The following CPNE5 variants were observed in gnomAD, a reference collection of about 807,000 sequenced individuals.
The protein encoded by CPNE5 is copine-5.
CPNE5 carries 42 observed loss-of-function variants against 81.1 expected under a neutral mutation model. That is an observed-to-expected ratio of 0.52 (90% CI 0.40 to 0.67). The LOEUF is 0.67. Among genes scored for constraint, CPNE5 ranks in the 30% least tolerant of loss-of-function variants. The pLI is 0.00. For missense variants in CPNE5, 612 were observed against 815.5 expected, an observed-to-expected ratio of 0.75 and a Z score of 3.04; for synonymous variants, 313 against 321.5, an observed-to-expected ratio of 0.97 and a Z score of 0.28.
At chr6:36,768,869 C>T (rs1351850738) in intron 10 of CPNE5, among the ~76,000 whole-genome samples, 1 of 152,226 alleles carries the variant, frequency 6.6e-6, no homozygotes, top group Non-Finnish European at 1.5e-5. Context: ...CTTCCAAGTA[C>T]TAGGTCTGTT....
intron 16 of CPNE5, among the ~76,000 whole-genome samples, chr6:36,745,895 C>T (rs1481825745): frequency 6.6e-6 from 1 of 152,196 alleles, no homozygotes; most frequent in East Asian, 1.9e-4. Context: ...GCACCTTGCA[C>T]CCTCAGGCAT....
intron 8 of CPNE5, among the ~76,000 whole-genome samples, chr6:36,784,304 C>T (rs1031048044): frequency 6.6e-6 from 1 of 152,242 alleles, no homozygotes; most frequent in Admixed American, 6.5e-5. Flanking sequence ...GGGGATAAAA[C>T]AGGCCTTCAG....
At chr6:36,792,328 C>T (rs532302779) in intron 7 of CPNE5, 7 of 1,523,966 alleles carry the variant, frequency 4.6e-6, no homozygotes, top group African/African-American at 4.1e-5. Flanking sequence ...CCCTGCTCCC[C>T]GAGAGCCCAC....
rs367579150 is a variant in CPNE5 at position 36,826,668 on chromosome 6, A to G, written c.96-3570T>C. On this transcript the variant is annotated intron_variant, in intron 1 of 20. Transcript: ENST00000244751. ...CAGGCCAGCCTAGCACCTGAGTCAG[A>G]GTAGTGGCCTGGCAAGCTGGATGGA... Among the ~76,000 whole-genome samples the G allele has an allele frequency of 2.6e-5, 4 of 152,320 alleles. No individual in the cohort carries two copies. The East Asian group carries it at 7.7e-4, about 29-fold the overall frequency.
At chr6:36,829,151 A>T (rs929515442) in intron 1 of CPNE5, among the ~76,000 whole-genome samples, 2 of 152,100 alleles carry the variant, frequency 1.3e-5, no homozygotes, top group African/African-American at 4.8e-5. Context: ...GACTGGTTGC[A>T]TAGCCTTCCT....
At chr6:36,786,575 T>G (rs1489745305) in intron 8 of CPNE5, among the ~76,000 whole-genome samples, 1 of 152,158 alleles carries the variant, frequency 6.6e-6, no homozygotes, top group Non-Finnish European at 1.5e-5. Context: ...TCAACTGATG[T>G]TCAAAAGAAA....
rs767879428 is a variant in CPNE5, at chr6:36,800,011, A to G, written c.243T>C (p.Ile81=). ...GCTTCTCCTCGAAAAAGTAATCCAC[A>G]ATGAACTTGCGCACGAAGTCAGGAT... is the stretch of plus-strand genomic sequence containing the variant. ...TLNPDFVRKF[I]VDYFFEEKQN... The change falls in exon 4 of 21, where the codon ATT becomes ATC. Residue 81 remains isoleucine, a synonymous_variant. Coordinates refer to ENST00000244751, the MANE Select transcript of CPNE5 (RefSeq NM_020939.2). The G allele has an allele frequency of 1.9e-6, 3 of 1,614,102 alleles. No homozygotes were observed. The highest frequency in any genetic ancestry group is 3.3e-5 in the Admixed American group (2 of 60,016).
rs573517251 is a variant in CPNE5 at position 36,784,457 on chromosome 6, T to C, written c.529-5500A>G. 2.2e-4 allele frequency among the ~76,000 whole-genome samples: 33 copies of C among 152,272 alleles called. No homozygotes were observed. In the South Asian group the frequency reaches 6.6e-3, roughly 31 times the overall value. ...TCACTCTGCCTTTCGTCAACAGTCA[T>C]AGGAACAAGTGGGAGCTTGTGAATG... On this transcript the variant is annotated intron_variant, in intron 8 of 20. Transcript: ENST00000244751.
At chr6:36,773,205 T>C (rs1316486842) in intron 10 of CPNE5, among the ~76,000 whole-genome samples, 1 of 152,108 alleles carries the variant, frequency 6.6e-6, no homozygotes. Context: ...ACCCCAGTGC[T>C]CCTGTCGGAG....
intron 10 of CPNE5, among the ~76,000 whole-genome samples, chr6:36,772,450 C>T (rs573894534): frequency 4.7e-4 from 71 of 152,318 alleles, no homozygotes; most frequent in African/African-American, 1.6e-3. Context: ...TTGACTGCAG[C>T]GCTAAGACCG....
At chr6:36,752,897 G>T (rs1413421778) in intron 14 of CPNE5, 137 bp downstream of exon 14, 2 of 656,900 alleles carry the variant, frequency 3.0e-6, no homozygotes, top group Non-Finnish European at 5.3e-6. Flanking sequence ...AAACACCAGG[G>T]TTTGCTCAGA....
intron 10 of CPNE5, among the ~76,000 whole-genome samples, chr6:36,768,618 T>C (rs369390164): frequency 6.6e-6 from 1 of 152,200 alleles, no homozygotes; most frequent in East Asian, 1.9e-4. Flanking sequence ...CCTTGGCTCC[T>C]AACCCCTTAG....
chr6:36,779,487 T>C (rs1767830720), intron 8 of CPNE5, among the ~76,000 whole-genome samples: 2 of 152,164 alleles, frequency 1.3e-5, no homozygotes, highest in Non-Finnish European at 2.9e-5. Context: ...CCTCACCACC[T>C]CACACCTATG....
intron 8 of CPNE5, among the ~76,000 whole-genome samples, chr6:36,784,705 G>C (rs1410464643): frequency 6.6e-6 from 1 of 152,164 alleles, no homozygotes; most frequent in Non-Finnish European, 1.5e-5. Flanking sequence ...ACTTTGGGAG[G>C]CCGAAGTAGG....
intron 3 of CPNE5, among the ~76,000 whole-genome samples, chr6:36,806,448 C>T (rs988847035): frequency 3.9e-5 from 6 of 152,154 alleles, no homozygotes; most frequent in Admixed American, 6.5e-5. Context: ...GGCAGGCCCT[C>T]CACCTCCCAC....
rs368707119 is a variant in CPNE5 at position 36,794,620 on chromosome 6, G to A, written c.434C>T (p.Thr145Met). ...GGACACAGCTGGCATGGGTTTGCCCGTCCTGGAATTCAGGCTGAATGCGCC... is the reference window on the plus strand; with the variant it reads ...GGACACAGCTGGCATGGGTTTGCCCATCCTGGAATTCAGGCTGAATGCGCC... ...TIGAFSLNSR[T>M]GKPMPAVSNG... Residue 145 changes from threonine (T) to methionine (M), a missense_variant, in exon 7 of 21, where the codon ACG (threonine) becomes ATG (methionine). Transcript: ENST00000244751. The A allele has an allele frequency of 3.8e-5, 61 of 1,614,116 alleles. No homozygotes were observed. The highest frequency in any genetic ancestry group is 2.9e-4 in the African/African-American group (22 of 75,040).
intron 14 of CPNE5, among the ~76,000 whole-genome samples, chr6:36,749,609 T>C (rs367992129): frequency 7.9e-5 from 12 of 151,122 alleles, no homozygotes; most frequent in African/African-American, 2.9e-4. Context: ...GGAGGATTGA[T>C]TGACACTAGG....
intron 3 of CPNE5, among the ~76,000 whole-genome samples, chr6:36,805,827 A>T (rs1770541160): frequency 6.6e-6 from 1 of 152,226 alleles, no homozygotes; most frequent in South Asian, 2.1e-4. Context: ...AACCTCTATG[A>T]CTAAGCTGCA....
chr6:36,807,129 A>T (rs1433618786), intron 3 of CPNE5, among the ~76,000 whole-genome samples: 1 of 152,238 alleles, frequency 6.6e-6, no homozygotes, highest in East Asian at 1.9e-4. Context: ...CAAGGTTTAT[A>T]TCAGTTTCTC....
Sources: gnomAD v4.1 joint callset for allele counts (sites outside exome capture counted in the v4.1 genomes callset) on GRCh38, gnomAD v4.1.1 for gene constraint, MANE v1.5 for transcripts, NCBI Gene and HGNC (gene_info 2026-07-23, HGNC 2026-07-21) for gene names.